KCNJ3: variants seen among roughly 807,000 people sequenced by gnomAD.
KCNJ3 encodes G protein-activated inward rectifier potassium channel 1.
In KCNJ3, 4 loss-of-function variants were observed where a neutral mutation model predicts 39.2. That is an observed-to-expected ratio of 0.10 (90% CI 0.05 to 0.23). The LOEUF (loss-of-function observed/expected upper bound fraction) is 0.23, where lower values mean the gene tolerates loss of function less well. Ranked by LOEUF, KCNJ3 falls within the 10% of genes least tolerant of loss-of-function variation. KCNJ3 has a pLI of 1.00. For synonymous variants in KCNJ3, 230 were observed against 237.4 expected, an observed-to-expected ratio of 0.97 and a Z score of 0.29; for missense variants, 276 against 634.9, an observed-to-expected ratio of 0.43 and a Z score of 6.08.
At chr2:154,781,958 G>C (rs1686446914) in intron 2 of KCNJ3, among the ~76,000 whole-genome samples, 1 of 152,170 alleles carries the variant, frequency 6.6e-6, no homozygotes, top group Admixed American at 6.6e-5. Context: ...GTGGTTTTGA[G>C]TGCTTAGAAC....
At chr2:154,703,505 G>GTA (rs1158559654) in intron 1 of KCNJ3, among the ~76,000 whole-genome samples, 10 of 150,968 alleles carry the variant, frequency 6.6e-5, no homozygotes, top group Admixed American at 2.6e-4. Context: ...GTGTGTGTGT[G>GTA]TATACATATC....
chr2:154,813,822 GTGA>G (rs1687039996), intron 2 of KCNJ3, among the ~76,000 whole-genome samples: 1 of 152,170 alleles, frequency 6.6e-6, no homozygotes, highest in South Asian at 2.1e-4. Flanking sequence ...GTTATAGGCC[GTGA>G]TGATGTCAAC....
At chr2:154,771,310 C>A (rs995983231) in intron 2 of KCNJ3, among the ~76,000 whole-genome samples, 2 of 152,106 alleles carry the variant, frequency 1.3e-5, no homozygotes, top group Admixed American at 6.6e-5. Flanking sequence ...GATGTTGGGA[C>A]AAGTGAACAA....
intron 2 of KCNJ3, among the ~76,000 whole-genome samples, chr2:154,808,355 A>G (rs13009947): frequency 6.6e-6 from 1 of 151,894 alleles, no homozygotes. Flanking sequence ...TGCTGGGATT[A>G]CAGGGGTGAG....
At chr2:154,764,140 G>A (rs763926743) in intron 2 of KCNJ3, among the ~76,000 whole-genome samples, 6 of 152,172 alleles carry the variant, frequency 3.9e-5, no homozygotes, top group Non-Finnish European at 2.9e-5. Context: ...TCTTAAGCAC[G>A]AAAAGTGCTA....
intron 2 of KCNJ3, among the ~76,000 whole-genome samples, chr2:154,816,490 C>G (rs2105106057): frequency 6.6e-6 from 1 of 152,212 alleles, no homozygotes; most frequent in South Asian, 2.1e-4. Flanking sequence ...GCTGGAGGAG[C>G]TCATTTCTAT....
Position 154,710,446 on chromosome 2 carries a change from A to G in KCNJ3, c.919+627A>G, listed in dbSNP as rs185182565. ...TATATGTTTCTCCTTAACATCCAAT[A>G]TAACTTGGTATGCCCCAAATACTAT... On this transcript the variant is annotated intron_variant, in intron 2 of 2. Coordinates refer to ENST00000295101, the MANE Select transcript of KCNJ3 (RefSeq NM_002239.4). Among the ~76,000 whole-genome samples the G allele has an allele frequency of 1.1e-3, 169 of 152,292 alleles. 1 individual carries two copies. In the South Asian group the frequency reaches 0.03, roughly 27 times the overall value.
chr2:154,757,389 A>T (rs1270794138), intron 2 of KCNJ3, among the ~76,000 whole-genome samples: 1 of 152,190 alleles, frequency 6.6e-6, no homozygotes, highest in East Asian at 1.9e-4. Flanking sequence ...TAGTGCTTCT[A>T]GAGTATCAAA....
chr2:154,765,707 TG>T (rs1686122301), intron 2 of KCNJ3, among the ~76,000 whole-genome samples: 2 of 152,210 alleles, frequency 1.3e-5, no homozygotes, highest in African/African-American at 4.8e-5. Context: ...AGCACTACAG[TG>T]AACTCTTGGG....
chr2:154,735,024 T>C (rs1398547347), intron 2 of KCNJ3, among the ~76,000 whole-genome samples: 2 of 151,760 alleles, frequency 1.3e-5, no homozygotes, highest in Non-Finnish European at 2.9e-5. Context: ...AGTCAAGTGA[T>C]AGTGACGGCT....
At position 154,736,374 on chromosome 2, in the gene KCNJ3, T is replaced by TAAAAAA. The variant is rs70983745; in HGVS notation, c.919+26590_919+26595dup. 1.8e-3 allele frequency among the ~76,000 whole-genome samples: 164 copies of TAAAAAA among 93,154 alleles called. 1 individual carries two copies. The highest frequency in any genetic ancestry group is 2.0e-3 in the Non-Finnish European group (94 of 47,000). 61.1% of individuals were successfully genotyped at this position (93,154 alleles called of 152,430 possible). On this transcript the variant is annotated intron_variant, in intron 2 of 2. Coordinates refer to ENST00000295101, the MANE Select transcript of KCNJ3 (RefSeq NM_002239.4). ...AGAGAGTGACAGGAGTCACTAGTTC[T>TAAAAAA]AAAAAAAAAAAAAAAAAAAAAAAAA...
At chr2:154,702,710 A>G (rs1037989449) in intron 1 of KCNJ3, among the ~76,000 whole-genome samples, 2 of 151,938 alleles carry the variant, frequency 1.3e-5, no homozygotes, top group African/African-American at 4.8e-5. Context: ...AAAAAGAGAA[A>G]GTAGATTACA....
intron 2 of KCNJ3, among the ~76,000 whole-genome samples, chr2:154,800,092 C>T (rs367802190): frequency 3.9e-5 from 6 of 152,076 alleles, no homozygotes; most frequent in African/African-American, 7.2e-5. Context: ...CACTAAAGAG[C>T]GTGTTTTCAT....
At chr2:154,722,760 T>C (rs1341707876) in intron 2 of KCNJ3, among the ~76,000 whole-genome samples, 1 of 152,038 alleles carries the variant, frequency 6.6e-6, no homozygotes, top group African/African-American at 2.4e-5. Flanking sequence ...TGGAGGTGGG[T>C]AGAACAATTA....
chr2:154,779,938 T>C (rs1285630599), intron 2 of KCNJ3, among the ~76,000 whole-genome samples: 1 of 152,128 alleles, frequency 6.6e-6, no homozygotes, highest in Non-Finnish European at 1.5e-5. Flanking sequence ...TTTGTACTAT[T>C]GTCTTGTTAA....
chr2:154,771,543 A>G (rs1221677374), intron 2 of KCNJ3, among the ~76,000 whole-genome samples: 1 of 152,154 alleles, frequency 6.6e-6, no homozygotes, highest in East Asian at 1.9e-4. Flanking sequence ...AGCTAAAGGT[A>G]TAAAAATGAG....
intron 2 of KCNJ3, among the ~76,000 whole-genome samples, chr2:154,712,178 CTG>C (rs1405329429): frequency 6.6e-6 from 1 of 152,176 alleles, no homozygotes; most frequent in Non-Finnish European, 1.5e-5. Context: ...TATAAAATCT[CTG>C]TATATTTCCA....
intron 2 of KCNJ3, among the ~76,000 whole-genome samples, chr2:154,798,188 GCACACACACA>G (rs57495585): frequency 1.7e-5 from 2 of 114,758 alleles, no homozygotes; most frequent in African/African-American, 3.1e-5. Flanking sequence ...TTCGAACACC[GCACACACACA>G]CACACACACA....
chr2:154,805,586 T>C (rs1558878827), intron 2 of KCNJ3, among the ~76,000 whole-genome samples: 1 of 152,142 alleles, frequency 6.6e-6, no homozygotes, highest in Non-Finnish European at 1.5e-5. Context: ...GCATCTAAAT[T>C]TGTGGAACTT....
Sources: allele counts gnomAD v4.1 joint callset (sites outside exome capture counted in the v4.1 genomes callset), GRCh38; gene constraint gnomAD v4.1.1; transcripts MANE v1.5; gene names NCBI Gene and HGNC (gene_info 2026-07-23, HGNC 2026-07-21).